Variants in PHACTR4 observed in about 807,000 individuals in gnomAD.
PHACTR4 encodes phosphatase and actin regulator 4, also known as protein phosphatase 1, regulatory subunit 124.
A neutral mutation model predicts 72.7 loss-of-function variants in PHACTR4; 51 were observed. The ratio of observed to expected loss-of-function variants is 0.70; its 90% CI spans 0.56 to 0.89. The LOEUF is 0.89. PHACTR4 is among the 40% of genes least tolerant of loss of function. The probability of loss-of-function intolerance (pLI) is 0.00; values close to 1 mark genes in which losing one functional copy is unlikely to be tolerated. For synonymous variants in PHACTR4, 255 were observed against 302.5 expected, an observed-to-expected ratio of 0.84 and a Z score of 1.63; for missense variants, 731 against 861.8, an observed-to-expected ratio of 0.85 and a Z score of 1.90.
chr1:28,436,089 G>T (rs1656614170), intron 2 of PHACTR4, among the ~76,000 whole-genome samples: 1 of 151,988 alleles, frequency 6.6e-6, no homozygotes, highest in Non-Finnish European at 1.5e-5. Context: ...TACCTTTGCT[G>T]TTTTTTCTCT....
At chr1:28,416,535 A>C (rs767867172) in intron 2 of PHACTR4, among the ~76,000 whole-genome samples, 1 of 152,242 alleles carries the variant, frequency 6.6e-6, no homozygotes, top group Non-Finnish European at 1.5e-5. Context: ...CTGTAGTAGT[A>C]GTAGTAGAAG....
In PHACTR4 at chr1:28,498,031, G is replaced by A. The variant is rs1221339599; in HGVS notation, c.*1482G>A. The A allele has an allele frequency of 1.3e-5, 2 of 150,864 alleles. No homozygotes were observed. The highest frequency in any genetic ancestry group is 2.4e-5 in the African/African-American group (1 of 40,938). The allele number at this position is 150,864 out of a possible 1,614,324, so 9.3% of individuals were successfully genotyped here. A position where few individuals can be genotyped will look rare whatever the true frequency, so the allele number is the denominator to read the frequency against. On this transcript the variant is annotated 3_prime_UTR_variant, in exon 14 of 14. Transcript: ENST00000373839. ...AAAAAGCCTTAATATTAATGCTAAC[G>A]TGGCAGAAAACTAGCAGGTTACATT...
At position 28,418,531 on chromosome 1, in the gene PHACTR4, C is replaced by T. The variant is rs115193401; in HGVS notation, c.16+11068C>T. The stretch of plus-strand genomic sequence containing the variant: ...ACAAACAAATACATTTGTTCTATTC[C>T]ACTTAATACAGCTGTAGAAAGTCTA... On this transcript the variant is annotated intron_variant, in intron 2 of 13. Transcript: ENST00000373839. 1.6e-3 allele frequency among the ~76,000 whole-genome samples: 244 copies of T among 151,930 alleles called. 1 individual carries two copies. Among genetic ancestry groups the T allele is most frequent in the African/African-American group, 5.5e-3 (229 of 41,456 alleles).
At position 28,476,145 on chromosome 1, in the gene PHACTR4, C is replaced by T; in HGVS notation, c.1460C>T (p.Ser487Phe). The change falls in exon 8 of 14, where the codon TCC becomes TTC. Residue 487 changes from serine to phenylalanine, a missense_variant. Ser to Phe is a radical substitution (Grantham distance 155). This residue lies in a region of PHACTR4 where 621 missense variants were observed against 676.6 expected (regional missense o/e 0.92). Coordinates refer to ENST00000373839, the MANE Select transcript of PHACTR4 (RefSeq NM_001048183.3). ...GAAGAAGAGGAGCAAACCTGTCCAT[C>T]CACATTCAGTGAAGAAATGACACCT... The part of the protein sequence containing the change: ...DEEEEEQTCP[S>F]TFSEEMTPTS... 1 of 1,613,350 alleles carries T rather than the reference C, an allele frequency of 6.2e-7. No individual in the cohort carries two copies. The highest frequency in any genetic ancestry group is 8.5e-7 in the Non-Finnish European group (1 of 1,179,774).
chr1:28,456,912 GAGACAGAT>G (rs899203124), intron 2 of PHACTR4, among the ~76,000 whole-genome samples: 5 of 59,892 alleles, frequency 8.3e-5, no homozygotes, highest in South Asian at 9.0e-4. Flanking sequence ...AATAGATAGA[GAGACAGAT>G]AGATAGATAG....
intron 2 of PHACTR4, among the ~76,000 whole-genome samples, chr1:28,412,283 CTTG>C (rs1196762849): frequency 6.6e-6 from 1 of 152,104 alleles, no homozygotes; most frequent in African/African-American, 2.4e-5. Flanking sequence ...AATAACATAG[CTTG>C]TTGTTCAGTC....
intron 2 of PHACTR4, among the ~76,000 whole-genome samples, chr1:28,418,128 G>A (rs1655232307): frequency 6.6e-6 from 1 of 151,206 alleles, no homozygotes; most frequent in Non-Finnish European, 1.5e-5. Flanking sequence ...ACAGAGCACA[G>A]CCCTATCTCT....
In PHACTR4 at chr1:28,497,570, A is replaced by T. The variant is rs1365855027; in HGVS notation, c.*1021A>T. The T allele has an allele frequency of 2.0e-5, 3 of 149,806 alleles. No homozygotes were observed. The highest frequency in any genetic ancestry group is 4.4e-5 in the Non-Finnish European group (3 of 67,736). 9.3% of individuals were successfully genotyped at this position (149,806 alleles called of 1,614,324 possible). A position where few individuals can be genotyped will look rare whatever the true frequency, so the allele number is the denominator to read the frequency against. Reference sequence around the variant, plus strand: ...AAAAAAATCGGTTAGATGAGAAAGCATGTATATTTTCTATATACAAAAACA... The same window carrying T: ...AAAAAAATCGGTTAGATGAGAAAGCTTGTATATTTTCTATATACAAAAACA... On this transcript the variant is annotated 3_prime_UTR_variant, in exon 14 of 14. Coordinates refer to ENST00000373839, the MANE Select transcript of PHACTR4 (RefSeq NM_001048183.3).
chr1:28,453,239 C>T (rs79646452), intron 2 of PHACTR4, among the ~76,000 whole-genome samples: 3,471 of 152,244 alleles, frequency 0.023, 129 homozygotes, highest in African/African-American at 0.079. Flanking sequence ...CCAGTATCCA[C>T]TTAAAATGCT....
intron 2 of PHACTR4, among the ~76,000 whole-genome samples, chr1:28,416,509 A>G (rs1295257868): frequency 6.6e-6 from 1 of 152,238 alleles, no homozygotes; most frequent in Admixed American, 6.5e-5. Context: ...TTTTTCTGTC[A>G]GTAGAAAAAG....
intron 2 of PHACTR4, among the ~76,000 whole-genome samples, chr1:28,444,286 C>T (rs944357572): frequency 7.8e-5 from 9 of 115,448 alleles, no homozygotes; most frequent in Non-Finnish European, 1.5e-4. Context: ...AATGCAGTGG[C>T]GTGAGCAGTC....
intron 2 of PHACTR4, chr1:28,432,787 C>T (rs1656362771): frequency 6.6e-6 from 1 of 152,204 alleles, no homozygotes; most frequent in African/African-American, 2.4e-5. Context: ...ATCATCCAGG[C>T]TGGAGTTCAA....
At chr1:28,459,395 CTTTTTTT>C (rs367934288) in intron 3 of PHACTR4, 137 bp downstream of exon 3, 188 of 282,428 alleles carry the variant, frequency 6.7e-4, no homozygotes, top group South Asian at 8.3e-4. Context: ...TTTCCTTCTT[CTTTTTTT>C]TTTTTTTTTT....
At chr1:28,403,217 A>T (rs1342250126) in intron 1 of PHACTR4, among the ~76,000 whole-genome samples, 4 of 152,304 alleles carry the variant, frequency 2.6e-5, no homozygotes, top group African/African-American at 9.6e-5. Context: ...CAGGAGCAGC[A>T]GTATTTGGCC....
chr1:28,383,264 T>G (rs1313951295), intron 1 of PHACTR4, among the ~76,000 whole-genome samples: 1 of 152,186 alleles, frequency 6.6e-6, no homozygotes, highest in African/African-American at 2.4e-5. Flanking sequence ...ACTGTAGCCC[T>G]GTGGTATAGT....
At chr1:28,488,357 C>T (rs551418986) in intron 9 of PHACTR4, among the ~76,000 whole-genome samples, 17 of 152,142 alleles carry the variant, frequency 1.1e-4, no homozygotes, top group African/African-American at 2.2e-4. Context: ...ATTAGCCAGG[C>T]GTGGTGGCAG....
At chr1:28,482,382 G>A (rs376729504) in intron 9 of PHACTR4, among the ~76,000 whole-genome samples, 4 of 152,046 alleles carry the variant, frequency 2.6e-5, no homozygotes, top group South Asian at 2.1e-4. Context: ...CATATGTTCC[G>A]TGTAACTGCC....
At chr1:28,446,438 C>T (rs1371554250) in intron 2 of PHACTR4, among the ~76,000 whole-genome samples, 2 of 152,190 alleles carry the variant, frequency 1.3e-5, no homozygotes, top group Non-Finnish European at 2.9e-5. Flanking sequence ...ACACCATCCA[C>T]TTAGTACTGT....
chr1:28,458,966 T>A lies in PHACTR4; in HGVS notation c.17-119T>A, dbSNP rs191084325. On this transcript the variant is annotated intron_variant, in intron 2 of 13. Transcript: ENST00000373839. ...TCCAGGAGTCTCCCTGTCTGCATGATTGTTTATCGTTGCTCCGATCCTTTC... is the reference window on the plus strand; with the variant it reads ...TCCAGGAGTCTCCCTGTCTGCATGAATGTTTATCGTTGCTCCGATCCTTTC... The A allele has an allele frequency of 9.3e-5, 78 of 834,424 alleles. 1 individual carries two copies. Among genetic ancestry groups the A allele is most frequent in the Non-Finnish European group, 1.3e-5 (7 of 555,856 alleles). 51.7% of individuals were successfully genotyped at this position (834,424 alleles called of 1,614,324 possible).
Sources: allele counts gnomAD v4.1 joint callset (sites outside exome capture counted in the v4.1 genomes callset), GRCh38; gene constraint gnomAD v4.1.1; regional missense constraint gnomAD v4.1.1; transcripts MANE v1.5; gene names NCBI Gene and HGNC (gene_info 2026-07-23, HGNC 2026-07-21).